The following CLDN14 variants were observed in gnomAD, a reference collection of about 807,000 sequenced individuals.
CLDN14 encodes claudin-14.
CLDN14 carries 2 observed loss-of-function variants against 2.1 expected under a neutral mutation model. That is an observed-to-expected ratio of 0.96 (90% CI 0.39 to 3.01). CLDN14 has a LOEUF of 3.01. Among genes scored for constraint, CLDN14 ranks in the 30% most tolerant of loss-of-function variants. The probability of loss-of-function intolerance (pLI) is 0.09; values close to 1 mark genes in which losing one functional copy is unlikely to be tolerated. For missense variants in CLDN14, 298 were observed against 328.0 expected, an observed-to-expected ratio of 0.91 and a Z score of 0.71; for synonymous variants, 136 against 154.4, an observed-to-expected ratio of 0.88 and a Z score of 0.88.
intron 1 of CLDN14, among the ~76,000 whole-genome samples, chr21:36,521,207 G>A (rs1202213335): frequency 6.6e-6 from 1 of 152,146 alleles, no homozygotes; most frequent in Non-Finnish European, 1.5e-5. Flanking sequence ...AAATCACCAG[G>A]CTTTCCAACC....
At chr21:36,482,823 T>C (rs749629982), upstream of CLDN14, among the ~76,000 whole-genome samples, 1 of 152,218 alleles carries the variant, frequency 6.6e-6, no homozygotes, top group Non-Finnish European at 1.5e-5. Flanking sequence ...GCCTGTGATA[T>C]CTTTGCAGAG....
chr21:36,534,382 C>T (rs866242249), intron 1 of CLDN14, among the ~76,000 whole-genome samples: 4 of 152,132 alleles, frequency 2.6e-5, no homozygotes, highest in Non-Finnish European at 5.9e-5. Context: ...ATGATGGAAG[C>T]CCAGGACGAT....
intron 1 of CLDN14, among the ~76,000 whole-genome samples, chr21:36,466,116 C>T (rs866123093): frequency 4.6e-5 from 7 of 152,266 alleles, no homozygotes; most frequent in Middle Eastern, 3.4e-3. Flanking sequence ...TAGCTGGAAA[C>T]GTGTCAATGT....
At chr21:36,487,002 T>G (rs1324679604) in intron 2 of CLDN14, 4 of 336,290 alleles carry the variant, frequency 1.2e-5, no homozygotes, top group Non-Finnish European at 1.1e-5. Flanking sequence ...TTTTTTTTTT[T>G]GAGACTGAGT....
chr21:36,523,670 C>T (rs954849230), intron 1 of CLDN14, among the ~76,000 whole-genome samples: 1 of 150,630 alleles, frequency 6.6e-6, no homozygotes, highest in Admixed American at 6.6e-5. Flanking sequence ...ATCGCTTGGA[C>T]CCGGGAGGTG....
At chr21:36,517,264 T>C (rs904618628) in intron 1 of CLDN14, among the ~76,000 whole-genome samples, 3 of 152,240 alleles carry the variant, frequency 2.0e-5, no homozygotes, top group Admixed American at 2.0e-4. Flanking sequence ...GCCACATTCG[T>C]TTGTGTACTC....
chr21:36,507,470 TA>T (rs2087143429), intron 2 of CLDN14, among the ~76,000 whole-genome samples: 1 of 151,858 alleles, frequency 6.6e-6, no homozygotes, highest in Admixed American at 6.6e-5. Flanking sequence ...GTTACTTCAA[TA>T]AAAAAAGGTT....
chr21:36,511,219 G>A (rs1361335486), intron 1 of CLDN14, among the ~76,000 whole-genome samples: 9 of 152,210 alleles, frequency 5.9e-5, no homozygotes, highest in South Asian at 2.1e-4. Flanking sequence ...GGAAATGTTT[G>A]TGTTTTTTTC....
At chr21:36,555,850 TGAGA>T (rs373539349) in intron 1 of CLDN14, among the ~76,000 whole-genome samples, 33 of 140,678 alleles carry the variant, frequency 2.3e-4, no homozygotes, top group African/African-American at 6.0e-4. Context: ...TGTGTGTGTG[TGAGA>T]GAGAGAGAGT....
chr21:36,574,682 G>T (rs1372466878), intron 1 of CLDN14, among the ~76,000 whole-genome samples: 1 of 152,148 alleles, frequency 6.6e-6, no homozygotes, highest in East Asian at 1.9e-4. Flanking sequence ...ACCCCCGGTA[G>T]CTGTGTATTT....
chr21:36,503,578 A>T (rs2087106869), intron 2 of CLDN14, among the ~76,000 whole-genome samples: 1 of 152,104 alleles, frequency 6.6e-6, no homozygotes, highest in African/African-American at 2.4e-5. Flanking sequence ...TTCCACCATG[A>T]TTGTGAAGCT....
At chr21:36,521,669 G>A (rs971948716) in intron 1 of CLDN14, among the ~76,000 whole-genome samples, 1 of 152,178 alleles carries the variant, frequency 6.6e-6, no homozygotes, top group Non-Finnish European at 1.5e-5. Context: ...GACAGAGTGA[G>A]GCCCCAAGCT....
At chr21:36,537,429 A>G (rs1601628648) in intron 1 of CLDN14, among the ~76,000 whole-genome samples, 1 of 152,198 alleles carries the variant, frequency 6.6e-6, no homozygotes. Context: ...TAAAAAAGCT[A>G]TAAAAGATGT....
chr21:36,492,812 G>A (rs2086981599), intron 2 of CLDN14, among the ~76,000 whole-genome samples: 1 of 152,320 alleles, frequency 6.6e-6, no homozygotes, highest in South Asian at 2.1e-4. Flanking sequence ...CCAGGACCTG[G>A]GACCAGCAAG....
At chr21:36,531,224 C>G (rs1025062233) in intron 1 of CLDN14, among the ~76,000 whole-genome samples, 9 of 150,692 alleles carry the variant, frequency 6.0e-5, no homozygotes, top group African/African-American at 2.2e-4. Flanking sequence ...GAGACCCTGT[C>G]TTGAAAAAAA....
At chr21:36,526,521 TG>T (rs932283002) in intron 1 of CLDN14, 9 of 152,206 alleles carry the variant, frequency 5.9e-5, no homozygotes, top group Non-Finnish European at 1.3e-4. Context: ...CCTGGCAAAG[TG>T]GGGTCCTGGA....
intron 2 of CLDN14, among the ~76,000 whole-genome samples, chr21:36,489,502 G>C (rs1298097350): frequency 6.6e-6 from 1 of 152,152 alleles, no homozygotes; most frequent in Non-Finnish European, 1.5e-5. Flanking sequence ...TCCAGGGTGT[G>C]CTGTGGGAAG....
intron 1 of CLDN14, among the ~76,000 whole-genome samples, chr21:36,571,492 C>T (rs1040022328): frequency 1.3e-5 from 2 of 152,146 alleles, no homozygotes; most frequent in Non-Finnish European, 2.9e-5. Flanking sequence ...GAGTGACTTA[C>T]GAAATCCCAA....
intron 2 of CLDN14, chr21:36,487,207 A>C: frequency 5.6e-6 from 1 of 178,586 alleles, no homozygotes; most frequent in Non-Finnish European, 1.2e-5. Context: ...CTGGTCTTGA[A>C]CTCCTGACCT....
Sources: allele counts gnomAD v4.1 joint callset (sites outside exome capture counted in the v4.1 genomes callset), GRCh38; gene constraint gnomAD v4.1.1; transcripts MANE v1.5; gene names NCBI Gene and HGNC (gene_info 2026-07-23, HGNC 2026-07-21).